MAPK10: variants seen among roughly 807,000 people sequenced by gnomAD.
The protein encoded by MAPK10 is JNK3 alpha protein kinase.
A neutral mutation model predicts 59.3 loss-of-function variants in MAPK10; 25 were observed. The observed-to-expected ratio is 0.42, with a 90% CI of 0.31 to 0.59. MAPK10 has a LOEUF of 0.59. Among genes scored for constraint, MAPK10 ranks in the 20% least tolerant of loss-of-function variants. The probability of loss-of-function intolerance (pLI) is 0.15; values close to 1 mark genes in which losing one functional copy is unlikely to be tolerated. For missense variants in MAPK10, 351 were observed against 568.9 expected, an observed-to-expected ratio of 0.62 and a Z score of 3.90; for synonymous variants, 190 against 200.5, an observed-to-expected ratio of 0.95 and a Z score of 0.44.
At chr4:86,191,679 C>T (rs1462009948) in intron 3 of MAPK10, 2 of 146,202 alleles carry the variant, frequency 1.4e-5, no homozygotes, top group African/African-American at 2.5e-5. Context: ...ATCCTGAATA[C>T]AGCACACCGA....
At chr4:86,273,929 GT>G (rs149904380) in intron 2 of MAPK10, among the ~76,000 whole-genome samples, 10,128 of 151,992 alleles carry the variant, frequency 0.067, 975 homozygotes, top group African/African-American at 0.22. Flanking sequence ...TTATCAAAAT[GT>G]GATATTCTTA....
chr4:86,207,778 G>C (rs2084539010), intron 2 of MAPK10, among the ~76,000 whole-genome samples: 1 of 152,036 alleles, frequency 6.6e-6, no homozygotes, highest in Admixed American at 6.6e-5. Flanking sequence ...TTGTAAGTTG[G>C]ATTCCTAGGT....
chr4:86,159,550 A>ATGATTACT, intron 3 of MAPK10, 83 bp from the exon 4 acceptor site: 1 of 1,128,502 alleles, frequency 8.9e-7, no homozygotes, highest in Non-Finnish European at 1.3e-6. Flanking sequence ...TGTTCTTTTA[A>ATGATTACT]TGATTACTGA....
intron 2 of MAPK10, among the ~76,000 whole-genome samples, chr4:86,232,375 ATTT>A (rs528181092): frequency 6.9e-6 from 1 of 144,106 alleles, no homozygotes; most frequent in Non-Finnish European, 1.5e-5. Flanking sequence ...AATAGAATCA[ATTT>A]TTTTTTTTTT....
chr4:86,541,872 A>T (rs1758718047), intron 1 of MAPK10, among the ~76,000 whole-genome samples: 1 of 150,818 alleles, frequency 6.6e-6, no homozygotes, highest in Non-Finnish European at 1.5e-5. Context: ...AGTTTCTGTT[A>T]TTTGCACTAA....
At chr4:86,519,410 T>A (rs540870276) in intron 1 of MAPK10, among the ~76,000 whole-genome samples, 37 of 152,344 alleles carry the variant, frequency 2.4e-4, no homozygotes, top group African/African-American at 8.4e-4. Flanking sequence ...TTTAACAGAC[T>A]TTAAGTCTGT....
chr4:86,138,853 C>T (rs1024027342), intron 4 of MAPK10, among the ~76,000 whole-genome samples: 12 of 151,952 alleles, frequency 7.9e-5, no homozygotes, highest in Non-Finnish European at 5.9e-5. Context: ...GGATACAAAA[C>T]CAATGTGCAA....
chr4:86,029,277 G>A lies in MAPK10; in HGVS notation c.1175-3C>T. On this transcript the variant is annotated splice_polypyrimidine_tract_variant and splice_region_variant and intron_variant, in intron 12 of 13. Transcript: ENST00000641462. ...CATTACTTCCTTGTAGATAAGTTCT[G>A]TAAGAAACAGCTGTGTTATTATAGA... The A allele has an allele frequency of 1.3e-6, 2 of 1,580,580 alleles. No homozygotes were observed. Among genetic ancestry groups the A allele is most frequent in the Non-Finnish European group, 1.7e-6 (2 of 1,150,408 alleles).
intron 1 of MAPK10, among the ~76,000 whole-genome samples, chr4:86,518,702 C>T (rs1756896915): frequency 6.6e-6 from 1 of 150,384 alleles, no homozygotes; most frequent in Non-Finnish European, 1.5e-5. Flanking sequence ...GAGATGTGAG[C>T]TTAGATTGTC....
At chr4:86,364,317 C>G (rs1737479640), upstream of MAPK10, among the ~76,000 whole-genome samples, 1 of 152,002 alleles carries the variant, frequency 6.6e-6, no homozygotes, top group Non-Finnish European at 1.5e-5. Context: ...TTGGTAGAGA[C>G]AGGGTTTCAC....
Position 86,147,856 on chromosome 4 carries a change from T to C in MAPK10, c.236+11442A>G, listed in dbSNP as rs369836379. On this transcript the variant is annotated intron_variant, in intron 4 of 13. Coordinates refer to ENST00000641462, the MANE Select transcript of MAPK10 (RefSeq NM_138982.4). ...ACTTATTCTAATAATTGAATTGATG[T>C]TTGCATACAACAGTATCTAATTCCT... Among the ~76,000 whole-genome samples, 4 of 152,340 alleles carry C rather than the reference T, an allele frequency of 2.6e-5. No individual in the cohort carries two copies. In the East Asian group the frequency reaches 5.8e-4, roughly 22 times the overall value.
At chr4:86,253,491 T>C in intron 2 of MAPK10, among the ~76,000 whole-genome samples, 1 of 99,948 alleles carries the variant, frequency 1.0e-5, no homozygotes, top group African/African-American at 7.0e-5. Context: ...GATTTGCGTA[T>C]ATTGAACCAG....
chr4:86,515,305 A>T (rs2149085027), intron 1 of MAPK10, among the ~76,000 whole-genome samples: 1 of 152,274 alleles, frequency 6.6e-6, no homozygotes, highest in Non-Finnish European at 1.5e-5. Flanking sequence ...TGCGTGTGCA[A>T]GTGACTTTTT....
chr4:86,342,993 C>T (rs1450428718), intron 2 of MAPK10, among the ~76,000 whole-genome samples: 2 of 152,028 alleles, frequency 1.3e-5, no homozygotes, highest in Non-Finnish European at 2.9e-5. Context: ...CATTCAGGGC[C>T]TCCCTCAGTC....
intron 1 of MAPK10, among the ~76,000 whole-genome samples, chr4:86,532,599 T>C (rs1443200470): frequency 6.6e-6 from 1 of 152,222 alleles, no homozygotes; most frequent in Non-Finnish European, 1.5e-5. Flanking sequence ...CTCATTTATA[T>C]ACCACCTTTT....
At position 86,141,230 on chromosome 4, in the gene MAPK10, A is replaced by G. The variant is rs1034265830; in HGVS notation, c.236+18068T>C. Among the ~76,000 whole-genome samples the G allele has an allele frequency of 7.2e-5, 11 of 152,330 alleles. No individual in the cohort carries two copies. In the South Asian group the frequency reaches 1.9e-3, roughly 26 times the overall value. On this transcript the variant is annotated intron_variant, in intron 4 of 13. Transcript: ENST00000641462. ...CCTTACAGAAAGGATATAGTTTACA[A>G]AAACATGACACTGGTATCTTACAAA...
intron 2 of MAPK10, among the ~76,000 whole-genome samples, chr4:86,231,237 A>C (rs7678392): frequency 0.085 from 12,945 of 152,278 alleles, 1,223 homozygotes; most frequent in African/African-American, 0.23. Flanking sequence ...TAGAATTAAC[A>C]GACAAAATAC....
chr4:86,089,649 GTTTC>G (rs1364138133), intron 9 of MAPK10: 1 of 160,774 alleles, frequency 6.2e-6, no homozygotes, highest in Admixed American at 6.5e-5. Context: ...ATGCAAATCA[GTTTC>G]TTTTTTACTC....
At chr4:86,338,981 A>C (rs143696930) in intron 2 of MAPK10, among the ~76,000 whole-genome samples, 3 of 144,734 alleles carry the variant, frequency 2.1e-5, no homozygotes, top group Non-Finnish European at 4.6e-5. Context: ...TAAAAAAAAA[A>C]CCCAAGTCTT....
Sources: allele counts gnomAD v4.1 joint callset (sites outside exome capture counted in the v4.1 genomes callset), GRCh38; gene constraint gnomAD v4.1.1; transcripts MANE v1.5; gene names NCBI Gene and HGNC (gene_info 2026-07-23, HGNC 2026-07-21).